WDR33: variants seen among roughly 807,000 people sequenced by gnomAD.
The protein encoded by WDR33 is WD repeat domain 33, also known as pre-mRNA 3' end processing protein WDR33.
WDR33 carries 47 observed loss-of-function variants against 164.9 expected under a neutral mutation model. That is an observed-to-expected ratio of 0.29 (90% CI 0.23 to 0.36). The LOEUF (loss-of-function observed/expected upper bound fraction) is 0.36, where lower values mean the gene tolerates loss of function less well. WDR33 is among the 10% of genes least tolerant of loss of function. WDR33 has a pLI of 1.00. For missense variants in WDR33, 1,137 were observed against 1,754.1 expected, an observed-to-expected ratio of 0.65 and a Z score of 6.28; for synonymous variants, 505 against 589.0, an observed-to-expected ratio of 0.86 and a Z score of 2.06.
At chr2:127,750,674 AAAAATATAT>A (rs1687306460) in intron 7 of WDR33, among the ~76,000 whole-genome samples, 1 of 61,042 alleles carries the variant, frequency 1.6e-5, no homozygotes, top group Non-Finnish European at 2.8e-5. Context: ...AAAAAAAAAA[AAAAATATAT>A]ATATATATAT....
chr2:127,723,494 C>T lies in WDR33; in HGVS notation c.1197-147G>A. The T allele has an allele frequency of 1.5e-6, 1 of 646,974 alleles. No individual in the cohort carries two copies. Among genetic ancestry groups the T allele is most frequent in the Non-Finnish European group, 2.6e-6 (1 of 389,812 alleles). The allele number at this position is 646,974 out of a possible 1,614,324, so 40.1% of individuals were successfully genotyped here. A position where few individuals can be genotyped will look rare whatever the true frequency, so the allele number is the denominator to read the frequency against. On this transcript the variant is annotated intron_variant, in intron 11 of 21. Transcript: ENST00000322313. This position sits in a 1 kb window ranked among gnomAD's most constrained non-coding sequence, Gnocchi z 5.9. Reference sequence around the variant, plus strand: ...TAAAATGTGAGGTCATACACTTTGGCTCACATCTGTAATCCCAGCACTTTG... The same window carrying T: ...TAAAATGTGAGGTCATACACTTTGGTTCACATCTGTAATCCCAGCACTTTG...
intron 7 of WDR33, among the ~76,000 whole-genome samples, chr2:127,733,178 C>T (rs886511741): frequency 5.3e-5 from 8 of 152,142 alleles, no homozygotes; most frequent in Admixed American, 2.0e-4. Flanking sequence ...AGTAATTAAA[C>T]TTCTCAGAAT....
intron 7 of WDR33, among the ~76,000 whole-genome samples, chr2:127,728,058 T>A (rs1186455304): frequency 2.0e-5 from 3 of 152,172 alleles, no homozygotes; most frequent in Non-Finnish European, 4.4e-5. Context: ...GCTGTATGTA[T>A]CAAAAGTATG....
rs549051018 is a variant in WDR33 at position 127,741,655 on chromosome 2, A to C, written c.725-14878T>G. Among the ~76,000 whole-genome samples, 1 of 152,336 alleles carries C rather than the reference A, an allele frequency of 6.6e-6. No homozygotes were observed. The highest frequency in any genetic ancestry group is 1.9e-4 in the East Asian group (1 of 5,192). ...CACCATTCAAATCTCTGGACAACCA[A>C]GGGTCACTGCGTTATTTGAGAAAAA... is the stretch of plus-strand genomic sequence containing the variant. On this transcript the variant is annotated intron_variant, in intron 7 of 21. Transcript: ENST00000322313. The surrounding 1 kb of genome is among the most constrained non-coding windows in gnomAD (Gnocchi z 4.1).
In WDR33 at chr2:127,719,205, T is replaced by C; in HGVS notation, c.2760+60A>G. 1 of 1,362,376 alleles carries C rather than the reference T, an allele frequency of 7.3e-7. No homozygotes were observed. The highest frequency in any genetic ancestry group is 9.4e-7 in the Non-Finnish European group (1 of 1,058,484). 84.4% of individuals were successfully genotyped at this position (1,362,376 alleles called of 1,614,324 possible). A position where few individuals can be genotyped will look rare whatever the true frequency, so the allele number is the denominator to read the frequency against. ...GACCATTTTCCACAATACTCAGCAG[T>C]ATTACTTCTGTGCAGAGTGTATTTT... On this transcript the variant is annotated intron_variant, in intron 16 of 21. Transcript: ENST00000322313. This position sits in a 1 kb window ranked among gnomAD's most constrained non-coding sequence, Gnocchi z 6.5.
chr2:127,772,734 T>C, intron 1 of WDR33, among the ~76,000 whole-genome samples: 1 of 152,180 alleles, frequency 6.6e-6, no homozygotes, highest in Non-Finnish European at 1.5e-5. Context: ...AGGAAAATGT[T>C]AAGACCTTAT....
chr2:127,737,982 A>C, intron 7 of WDR33: 1 of 1,610,430 alleles, frequency 6.2e-7, no homozygotes, highest in Non-Finnish European at 8.5e-7. Flanking sequence ...GTGGCTCCCT[A>C]AACTTTGTCC....
intron 7 of WDR33, among the ~76,000 whole-genome samples, chr2:127,754,050 T>C (rs73958010): frequency 0.027 from 4,086 of 152,268 alleles, 199 homozygotes; most frequent in African/African-American, 0.092. Context: ...ATTTAAGACT[T>C]GTGCATTTAC....
Position 127,726,537 on chromosome 2 carries a change from G to T in WDR33, c.851+114C>A. 1 of 1,374,294 alleles carries T rather than the reference G, an allele frequency of 7.3e-7. No individual in the cohort carries two copies. The highest frequency in any genetic ancestry group is 9.8e-7 in the Non-Finnish European group (1 of 1,016,272). The allele number at this position is 1,374,294 out of a possible 1,614,324, so 85.1% of individuals were successfully genotyped here. The stretch of plus-strand genomic sequence containing the variant: ...GAAGTCTATAGATCCAAGTCCATCT[G>T]TTGCCTAAATGACTCTTCCAGAAAT... On this transcript the variant is annotated intron_variant, in intron 8 of 21. Coordinates refer to ENST00000322313, the MANE Select transcript of WDR33 (RefSeq NM_018383.5). The surrounding 1 kb of genome is among the most constrained non-coding windows in gnomAD (Gnocchi z 4.8).
In WDR33 at chr2:127,713,460, G is replaced by A; in HGVS notation, c.3308+123C>T. On this transcript the variant is annotated intron_variant, in intron 18 of 21. Transcript: ENST00000322313. This position sits in a 1 kb window ranked among gnomAD's most constrained non-coding sequence, Gnocchi z 6.2. Reference sequence around the variant, plus strand: ...AACGTCCAAATGCAAACTCTACAGAGTGCAGGGCTGGTAATTGATATAATT... The same window carrying A: ...AACGTCCAAATGCAAACTCTACAGAATGCAGGGCTGGTAATTGATATAATT... The A allele has an allele frequency of 8.8e-7, 1 of 1,136,648 alleles. No individual in the cohort carries two copies. Among genetic ancestry groups the A allele is most frequent in the Non-Finnish European group, 1.3e-6 (1 of 788,004 alleles). 70.4% of individuals were successfully genotyped at this position (1,136,648 alleles called of 1,614,324 possible).
intron 1 of WDR33, among the ~76,000 whole-genome samples, chr2:127,778,272 A>G (rs1688253249): frequency 6.6e-6 from 1 of 152,048 alleles, no homozygotes; most frequent in Non-Finnish European, 1.5e-5. Flanking sequence ...CCCCATCTCT[A>G]CTAAAAATAC....
intron 1 of WDR33, among the ~76,000 whole-genome samples, chr2:127,787,101 C>T (rs527550183): frequency 1.8e-4 from 17 of 94,706 alleles, no homozygotes; most frequent in Non-Finnish European, 2.7e-4. Context: ...TAACAAAGCA[C>T]ATCTTGCACC....
chr2:127,801,832 C>T (rs539572518), intron 1 of WDR33, among the ~76,000 whole-genome samples: 11 of 151,922 alleles, frequency 7.2e-5, no homozygotes, highest in African/African-American at 1.4e-4. Context: ...TGCAGTGAGC[C>T]GAGATCGTGC....
intron 7 of WDR33, among the ~76,000 whole-genome samples, chr2:127,730,033 C>G (rs558778186): frequency 6.6e-6 from 1 of 152,232 alleles, no homozygotes; most frequent in African/African-American, 2.4e-5. Flanking sequence ...CTGATAACAT[C>G]AACTGGCTCC....
intron 1 of WDR33, among the ~76,000 whole-genome samples, chr2:127,792,130 G>C (rs1409392360): frequency 1.3e-5 from 2 of 151,474 alleles, no homozygotes; most frequent in Non-Finnish European, 2.9e-5. Context: ...GTAGAGACTG[G>C]GTTTCACCGT....
intron 1 of WDR33, among the ~76,000 whole-genome samples, chr2:127,790,983 T>C (rs1232208164): frequency 6.6e-6 from 1 of 152,098 alleles, no homozygotes; most frequent in Non-Finnish European, 1.5e-5. Flanking sequence ...CCTGATATTG[T>C]TCACTTGGGC....
chr2:127,724,261 A>G lies in WDR33; in HGVS notation c.1196+72T>C. 1 of 1,198,646 alleles carries G rather than the reference A, an allele frequency of 8.3e-7. No homozygotes were observed. Among genetic ancestry groups the G allele is most frequent in the Non-Finnish European group, 1.2e-6 (1 of 833,998 alleles). The allele number at this position is 1,198,646 out of a possible 1,614,324, so 74.3% of individuals were successfully genotyped here. A position where few individuals can be genotyped will look rare whatever the true frequency, so the allele number is the denominator to read the frequency against. ...TAAATTACTATATCAATCAACCAAT[A>G]AAAATAAACACATACAGTATTTATT... is the stretch of plus-strand genomic sequence containing the variant. On this transcript the variant is annotated intron_variant, in intron 11 of 21. Transcript: ENST00000322313. The surrounding 1 kb of genome is among the most constrained non-coding windows in gnomAD (Gnocchi z 4.8).
intron 1 of WDR33, among the ~76,000 whole-genome samples, chr2:127,784,433 G>A (rs1190528451): frequency 1.3e-5 from 2 of 152,136 alleles, no homozygotes; most frequent in Admixed American, 6.5e-5. Flanking sequence ...CACCCAGGCT[G>A]GAGTGCAGTG....
intron 1 of WDR33, among the ~76,000 whole-genome samples, chr2:127,798,033 G>A (rs866189601): frequency 2.6e-5 from 4 of 151,954 alleles, no homozygotes; most frequent in Admixed American, 1.3e-4. Context: ...GTAGAAAGCA[G>A]GTAGGAAATT....
Sources: gnomAD v4.1 joint callset for allele counts (sites outside exome capture counted in the v4.1 genomes callset) on GRCh38, gnomAD v4.1.1 for gene constraint, Gnocchi (gnomAD v3.1) non-coding constraint, MANE v1.5 for transcripts, NCBI Gene and HGNC (gene_info 2026-07-23, HGNC 2026-07-21) for gene names.